Variants in STRBP observed in about 807,000 individuals in gnomAD.
The protein encoded by STRBP is spermatid perinuclear RNA binding protein, also known as spermatid perinuclear RNA-binding protein.
Under a neutral mutation model 80.1 loss-of-function variants are expected in STRBP, and 13 were observed. That is an observed-to-expected ratio of 0.16 (90% CI 0.11 to 0.26). The LOEUF (loss-of-function observed/expected upper bound fraction) is 0.26, where lower values mean the gene tolerates loss of function less well. STRBP is among the 10% of genes least tolerant of loss of function. The pLI is 1.00. For missense variants in STRBP, 485 were observed against 815.2 expected (o/e 0.59, Z 4.93); for synonymous variants, 284 against 291.2 (o/e 0.98, Z 0.25).
chr9:123,193,376 T>TCATCACCA (rs942971577), intron 2 of STRBP, among the ~76,000 whole-genome samples: 27 of 152,308 alleles, frequency 1.8e-4, no homozygotes, highest in African/African-American at 3.6e-4. Flanking sequence ...TCCATGGCAG[T>TCATCACCA]CATCACCACA....
In STRBP at chr9:123,128,276, A is replaced by G. The variant is rs201929201; in HGVS notation, c.1898-18T>C. The G allele has an allele frequency of 2.0e-5, 32 of 1,614,114 alleles. No individual in the cohort carries two copies. In the African/African-American group the frequency reaches 2.5e-4, roughly 13 times the overall value. Reference sequence around the variant, plus strand: ...TCCATAGCCTAGTGCAAAGAAGAAGAAGGCAGATCAGTCCAAGACCCAGGG... The same window carrying G: ...TCCATAGCCTAGTGCAAAGAAGAAGGAGGCAGATCAGTCCAAGACCCAGGG... On this transcript the variant is annotated intron_variant, in intron 17 of 18. Transcript: ENST00000348403.
Position 123,139,639 on chromosome 9 carries a change from A to T in STRBP, c.1387T>A (p.Cys463Ser), listed in dbSNP as rs1242243155. The T allele has an allele frequency of 2.5e-6, 4 of 1,612,730 alleles. No individual in the cohort carries two copies. Among genetic ancestry groups the T allele is most frequent in the Middle Eastern group, 1.6e-4 (1 of 6,080 alleles). ...TCTGATTTTTCATCGGAACTCATACATTCAATATCTGCATCAAAGCCTGTT... is the reference window on the plus strand; with the variant it reads ...TCTGATTTTTCATCGGAACTCATACTTTCAATATCTGCATCAAAGCCTGTT... ...YPTGFDADIE[C>S]MSSDEKSDNE... Residue 463 changes from cysteine (C) to serine (S), a missense_variant, in exon 14 of 19, where the codon TGT becomes AGT. By Grantham distance (112) the Cys-to-Ser change is moderately radical (BLOSUM62 -1). Transcript: ENST00000348403.
In STRBP at chr9:123,184,172, T is replaced by C; in HGVS notation, c.-38A>G. On this transcript the variant is annotated 5_prime_UTR_variant, in exon 3 of 19. Transcript: ENST00000348403. ...TATTTTAGCTTCTTTTTCCGATCCT[T>C]TCCCCTCTTTCTTGTCGTCTTCACT... 6.2e-7 allele frequency: 1 copy of C among 1,607,178 alleles called. No individual in the cohort carries two copies. Among genetic ancestry groups the C allele is most frequent in the Non-Finnish European group, 8.5e-7 (1 of 1,176,028 alleles).
intron 1 of STRBP, among the ~76,000 whole-genome samples, chr9:123,237,535 A>C (rs1023071934): frequency 6.6e-6 from 1 of 151,896 alleles, no homozygotes; most frequent in South Asian, 2.1e-4. Context: ...TCACTTGCTT[A>C]AGACAAAATT....
chr9:123,185,909 G>A (rs2038677815), intron 2 of STRBP, among the ~76,000 whole-genome samples: 1 of 151,968 alleles, frequency 6.6e-6, no homozygotes, highest in African/African-American at 2.4e-5. Flanking sequence ...GCGGGTGCCT[G>A]TAGTCCCAGC....
intron 6 of STRBP, among the ~76,000 whole-genome samples, chr9:123,164,766 C>G (rs1259267532): frequency 6.6e-6 from 1 of 152,194 alleles, no homozygotes; most frequent in Non-Finnish European, 1.5e-5. Context: ...CTAAGAATAT[C>G]CTGGCAGCCC....
In STRBP at chr9:123,123,628, T is replaced by C; in HGVS notation, c.*1969A>G. ...TCCCTTTTCACCATTACAGAGCGCG[T>C]GAGTTATGAAGCAGAGTCAGCTACT... On this transcript the variant is annotated 3_prime_UTR_variant, in exon 19 of 19. Transcript: ENST00000348403. 1 of 984,846 alleles carries C rather than the reference T, an allele frequency of 1.0e-6. No individual in the cohort carries two copies. Among genetic ancestry groups the C allele is most frequent in the Non-Finnish European group, 1.2e-6 (1 of 829,814 alleles). The allele number at this position is 984,846 out of a possible 1,614,324, so 61.0% of individuals were successfully genotyped here.
intron 1 of STRBP, among the ~76,000 whole-genome samples, chr9:123,264,750 G>C (rs1256410842): frequency 6.6e-6 from 1 of 152,112 alleles, no homozygotes; most frequent in Non-Finnish European, 1.5e-5. Context: ...CGTAAACTTA[G>C]GATATCTAAA....
At chr9:123,166,099 G>C (rs941286177) in intron 6 of STRBP, among the ~76,000 whole-genome samples, 3 of 152,112 alleles carry the variant, frequency 2.0e-5, no homozygotes, top group Non-Finnish European at 4.4e-5. Flanking sequence ...TAAGGATAAA[G>C]GACAGGCAAA....
rs981248958 is a variant in STRBP at position 123,115,579 on chromosome 9, TCCC to T, written c.*84+347_*84+349del. 10 of 351,732 alleles carry T rather than the reference TCCC, an allele frequency of 2.8e-5. No homozygotes were observed. Among genetic ancestry groups the T allele is most frequent in the African/African-American group, 8.6e-5 (4 of 46,656 alleles). 21.8% of individuals were successfully genotyped at this position (351,732 alleles called of 1,614,324 possible). A position where few individuals can be genotyped will look rare whatever the true frequency, so the allele number is the denominator to read the frequency against. The stretch of plus-strand genomic sequence containing the variant: ...TGACATTTTCTCCAACTGCTCCTTC[TCCC>T]CCATCACAGAGCCTGGTAAGAAGCA... On this transcript the variant is annotated intron_variant and NMD_transcript_variant, in intron 3 of 3. Coordinates refer to the STRBP transcript ENST00000471564. This position sits in a 1 kb window ranked among gnomAD's most constrained non-coding sequence, Gnocchi z 5.0.
intron 6 of STRBP, among the ~76,000 whole-genome samples, chr9:123,163,840 A>C (rs542823507): frequency 6.6e-6 from 1 of 152,264 alleles, no homozygotes; most frequent in East Asian, 1.9e-4. Flanking sequence ...ACTTTAATGT[A>C]GGCGTTTAAA....
intron 13 of STRBP, among the ~76,000 whole-genome samples, chr9:123,142,378 C>T (rs1277479221): frequency 2.0e-5 from 3 of 152,070 alleles, no homozygotes; most frequent in Non-Finnish European, 4.4e-5. Context: ...TTCCTGAGGC[C>T]TCCCTAGAAG....
chr9:123,139,998 T>G (rs910885356), intron 13 of STRBP, among the ~76,000 whole-genome samples: 1 of 152,160 alleles, frequency 6.6e-6, no homozygotes, highest in African/African-American at 2.4e-5. Context: ...ACAGGATAGC[T>G]AGGTTCAAAC....
Position 123,132,917 on chromosome 9 carries a change from C to T in STRBP, c.1825G>A (p.Gly609Ser). 1 of 1,614,148 alleles carries T rather than the reference C, an allele frequency of 6.2e-7. No homozygotes were observed. The highest frequency in any genetic ancestry group is 8.5e-7 in the Non-Finnish European group (1 of 1,180,004). ...AVSAAVQAVR[G>S]RGRGTLTRGA... The stretch of plus-strand genomic sequence containing the variant: ...CTTGTTAGAGTTCCTCTTCCTCTGC[C>T]CCGAACAGCTTGGACTGCTGCAGAC... The change falls in exon 17 of 19, where the codon GGC (glycine) becomes AGC (serine). Residue 609 changes from glycine (G) to serine (S), a missense_variant. Around this residue, in one of 3 missense-constraint regions of STRBP, gnomAD observed 85 missense variants for 120.1 expected, o/e 0.71. Coordinates refer to ENST00000348403, the MANE Select transcript of STRBP (RefSeq NM_018387.5).
chr9:123,160,902 C>A, intron 7 of STRBP, 75 bp downstream of exon 7: 1 of 1,241,968 alleles, frequency 8.1e-7, no homozygotes, highest in South Asian at 1.4e-5. Context: ...TACACAGAAA[C>A]CAATTAAGTG....
intron 2 of STRBP, among the ~76,000 whole-genome samples, chr9:123,195,035 C>A (rs2039046288): frequency 6.6e-6 from 1 of 152,072 alleles, no homozygotes; most frequent in Non-Finnish European, 1.5e-5. Context: ...TCATATGGAC[C>A]TGAGTTCCAA....
intron 11 of STRBP, among the ~76,000 whole-genome samples, chr9:123,153,287 T>A (rs1229102214): frequency 1.3e-5 from 2 of 151,780 alleles, no homozygotes; most frequent in Non-Finnish European, 2.9e-5. Context: ...GCCTCCCGGA[T>A]TCAAGCGATT....
At chr9:123,187,049 G>T (rs976312993) in intron 2 of STRBP, among the ~76,000 whole-genome samples, 20 of 152,086 alleles carry the variant, frequency 1.3e-4, no homozygotes, top group African/African-American at 4.3e-4. Flanking sequence ...TGTACTCACT[G>T]TTCCTAAGAC....
In STRBP at chr9:123,148,597, G is replaced by T. The variant is rs530415593; in HGVS notation, c.1046-727C>A. Reference sequence around the variant, plus strand: ...CTCTATAATTTAACATTTATGACTTGTATAAACTTTAGAAGTCCACGTTAC... The same window carrying T: ...CTCTATAATTTAACATTTATGACTTTTATAAACTTTAGAAGTCCACGTTAC... On this transcript the variant is annotated intron_variant, in intron 11 of 18. Coordinates refer to ENST00000348403, the MANE Select transcript of STRBP (RefSeq NM_018387.5). Among the ~76,000 whole-genome samples the T allele has an allele frequency of 4.6e-5, 7 of 152,256 alleles. No homozygotes were observed. The South Asian group carries it at 1.5e-3, about 32-fold the overall frequency.
Sources: gnomAD v4.1 joint callset for allele counts (sites outside exome capture counted in the v4.1 genomes callset) on GRCh38, gnomAD v4.1.1 for gene constraint, gnomAD v4.1.1 regional missense constraint, Gnocchi (gnomAD v3.1) non-coding constraint, MANE v1.5 for transcripts, NCBI Gene and HGNC (gene_info 2026-07-23, HGNC 2026-07-21) for gene names.